CFAP61: variants seen among roughly 807,000 people sequenced by gnomAD.
CFAP61 encodes cilia- and flagella-associated protein 61.
CFAP61 carries 107 observed loss-of-function variants against 135.6 expected under a neutral mutation model. The observed-to-expected ratio is 0.79, with a 90% CI of 0.67 to 0.93. CFAP61 has a LOEUF of 0.93. Among genes scored for constraint, CFAP61 ranks in the 40% least tolerant of loss-of-function variants. CFAP61 has a pLI of 0.00. For synonymous variants in CFAP61, 575 were observed against 578.5 expected, an observed-to-expected ratio of 0.99 and a Z score of 0.09; for missense variants, 1,507 against 1,556.2, an observed-to-expected ratio of 0.97 and a Z score of 0.53.
At chr20:20,134,867 A>G (rs2050799044) in intron 8 of CFAP61, among the ~76,000 whole-genome samples, 2 of 152,306 alleles carry the variant, frequency 1.3e-5, no homozygotes, top group South Asian at 4.1e-4. Context: ...CATTTGGGTA[A>G]ATACACTGCA....
intron 13 of CFAP61, chr20:20,171,969 T>C: frequency 2.1e-6 from 1 of 469,356 alleles, no homozygotes; most frequent in South Asian, 4.5e-5. Flanking sequence ...GGAAGCACTT[T>C]CCTCTTAGGG....
chr20:20,316,249 T>A (rs376769391), intron 25 of CFAP61, among the ~76,000 whole-genome samples: 2 of 152,038 alleles, frequency 1.3e-5, no homozygotes, highest in Admixed American at 6.6e-5. Context: ...TGAAGAGGTC[T>A]TTCACATCCC....
intron 25 of CFAP61, among the ~76,000 whole-genome samples, chr20:20,301,548 A>G (rs912353129): frequency 6.6e-6 from 1 of 152,178 alleles, no homozygotes; most frequent in Non-Finnish European, 1.5e-5. Context: ...GTACTGTTAG[A>G]CTTTTAAATT....
chr20:20,147,675 C>T (rs2424279), intron 9 of CFAP61, among the ~76,000 whole-genome samples: 137,270 of 152,218 alleles, frequency 0.9, 62,712 homozygotes, highest in Middle Eastern at 0.99. Context: ...CAAATATTTT[C>T]TCCCACTCTG....
At chr20:20,096,235 G>A (rs764786363) in intron 7 of CFAP61, among the ~76,000 whole-genome samples, 20 of 152,018 alleles carry the variant, frequency 1.3e-4, no homozygotes, top group South Asian at 4.2e-4. Context: ...TTCTCAAATC[G>A]GTTATTTGAA....
intron 7 of CFAP61, chr20:20,094,303 A>C (rs2047408360): frequency 6.6e-6 from 1 of 152,178 alleles, no homozygotes; most frequent in African/African-American, 2.4e-5. Context: ...GGAGGGTTGG[A>C]AGCATTTGGG....
chr20:20,237,662 TC>T (rs2049702622), intron 18 of CFAP61, among the ~76,000 whole-genome samples: 1 of 152,052 alleles, frequency 6.6e-6, no homozygotes, highest in Non-Finnish European at 1.5e-5. Context: ...ATTAACACAC[TC>T]GAACAAATAC....
chr20:20,324,885 A>G (rs766284669), intron 25 of CFAP61, among the ~76,000 whole-genome samples: 10 of 152,172 alleles, frequency 6.6e-5, no homozygotes, highest in Non-Finnish European at 1.2e-4. Flanking sequence ...CCCATTTTTA[A>G]TTAGGTTGCC....
chr20:20,251,514 C>CT, intron 19 of CFAP61, 81 bp from the exon 20 acceptor site: 1 of 1,404,486 alleles, frequency 7.1e-7, no homozygotes, highest in Non-Finnish European at 9.9e-7. Context: ...CACTAGGGGA[C>CT]TTGAACCAGC....
chr20:20,079,118 G>C (rs1489925074), intron 6 of CFAP61, among the ~76,000 whole-genome samples: 1 of 152,086 alleles, frequency 6.6e-6, no homozygotes, highest in Non-Finnish European at 1.5e-5. Context: ...AGAGGAAGGG[G>C]GCCCTCCTGC....
At chr20:20,111,772 G>A (rs2048818533) in intron 8 of CFAP61, among the ~76,000 whole-genome samples, 1 of 152,098 alleles carries the variant, frequency 6.6e-6, no homozygotes, top group Non-Finnish European at 1.5e-5. Flanking sequence ...AGCTCACAAA[G>A]AAAAGAGAGA....
intron 18 of CFAP61, among the ~76,000 whole-genome samples, chr20:20,235,163 A>G (rs2049485257): frequency 6.6e-6 from 1 of 152,020 alleles, no homozygotes; most frequent in African/African-American, 2.4e-5. Flanking sequence ...CGTTCCCTGG[A>G]GTCTGCAGAA....
In CFAP61 at chr20:20,228,429, T is replaced by G. The variant is rs548426107; in HGVS notation, c.2060+53T>G. ...TGGTTTTTAAATAATAAAAATTATC[T>G]TCCTACATCTGAAGAGAACACCATC... On this transcript the variant is annotated intron_variant, in intron 18 of 26. Transcript: ENST00000245957. The G allele has an allele frequency of 1.1e-4, 157 of 1,482,034 alleles. 2 individuals are homozygous for G. The East Asian group carries it at 2.2e-3, about 21-fold the overall frequency. The allele number at this position is 1,482,034 out of a possible 1,614,324, so 91.8% of individuals were successfully genotyped here.
chr20:20,172,798 C>G (rs1017839406), intron 13 of CFAP61, among the ~76,000 whole-genome samples: 2 of 152,168 alleles, frequency 1.3e-5, no homozygotes, highest in African/African-American at 4.8e-5. Flanking sequence ...CATTATCACC[C>G]AATGTCCATA....
rs559724742 is a variant in CFAP61 at position 20,056,726 on chromosome 20, T to C, written c.73T>C (p.Tyr25His). The change falls in exon 2 of 27, where the codon TAT becomes CAT. Residue 25 changes from tyrosine to histidine, a missense_variant. By Grantham distance (83) the Tyr-to-His change is moderately conservative. Coordinates refer to ENST00000245957, the MANE Select transcript of CFAP61 (RefSeq NM_015585.4). ...HCRRTESQDV[Y>H]CIKSLIRKFT... ...CCGAAGAACAGAATCACAGGATGTT[T>C]ATTGTATCAAAAGCCTTATTAGAAA... 2.4e-5 allele frequency: 39 copies of C among 1,614,086 alleles called. No homozygotes were observed. In the Middle Eastern group the frequency reaches 8.2e-4, roughly 34 times the overall value.
intron 9 of CFAP61, among the ~76,000 whole-genome samples, chr20:20,153,159 A>T (rs1187949388): frequency 6.6e-6 from 1 of 152,180 alleles, no homozygotes; most frequent in Non-Finnish European, 1.5e-5. Context: ...GAAATAAAAA[A>T]TTATTTGAAC....
chr20:20,167,217 A>G lies in CFAP61; in HGVS notation c.1245+781A>G, dbSNP rs531931773. Among the ~76,000 whole-genome samples, 22 of 152,350 alleles carry G rather than the reference A, an allele frequency of 1.4e-4. No individual in the cohort carries two copies. In the South Asian group the frequency reaches 4.6e-3, roughly 32 times the overall value. Reference sequence around the variant, plus strand: ...TGTTTCTAATGAGGCAAAAACAAGTATAGTTTAATTATTTTGTCTTACAAC... The same window carrying G: ...TGTTTCTAATGAGGCAAAAACAAGTGTAGTTTAATTATTTTGTCTTACAAC... On this transcript the variant is annotated intron_variant, in intron 12 of 26. Coordinates refer to ENST00000245957, the MANE Select transcript of CFAP61 (RefSeq NM_015585.4).
chr20:20,186,838 G>A (rs926766684), intron 13 of CFAP61, among the ~76,000 whole-genome samples: 9 of 152,150 alleles, frequency 5.9e-5, no homozygotes, highest in African/African-American at 2.2e-4. Flanking sequence ...AGGAGGAATG[G>A]CATTGTCCCA....
In CFAP61 at chr20:20,269,143, AT is replaced by A. The variant is rs1300018767; in HGVS notation, c.2503+6014del. The stretch of plus-strand genomic sequence containing the variant: ...TATATATATATATATATATATATAT[AT>A]ATACACACACACACACACACATACA... On this transcript the variant is annotated intron_variant, in intron 21 of 26. Coordinates refer to ENST00000245957, the MANE Select transcript of CFAP61 (RefSeq NM_015585.4). Among the ~76,000 whole-genome samples the A allele has an allele frequency of 5.5e-5, 5 of 91,598 alleles. 1 individual carries two copies. Among genetic ancestry groups the A allele is most frequent in the Non-Finnish European group, 1.3e-4 (5 of 39,466 alleles). 60.1% of individuals were successfully genotyped at this position (91,598 alleles called of 152,430 possible).
Sources: gnomAD v4.1 joint callset for allele counts (sites outside exome capture counted in the v4.1 genomes callset) on GRCh38, gnomAD v4.1.1 for gene constraint, MANE v1.5 for transcripts, NCBI Gene and HGNC (gene_info 2026-07-23, HGNC 2026-07-21) for gene names.